CACNA2D1: variants seen among roughly 807,000 people sequenced by gnomAD.
CACNA2D1 encodes the protein voltage-dependent calcium channel subunit alpha-2/delta-1.
Under a neutral mutation model 171.5 loss-of-function variants are expected in CACNA2D1, and 53 were observed. That is an observed-to-expected ratio of 0.31 (90% CI 0.25 to 0.39). The LOEUF is 0.39. CACNA2D1 is among the 10% of genes least tolerant of loss of function. The pLI is 1.00. For missense variants in CACNA2D1, 903 were observed against 1,299.8 expected (o/e 0.69, Z 4.69); for synonymous variants, 442 against 443.1 (o/e 1.00, Z 0.03).
intron 3 of CACNA2D1, among the ~76,000 whole-genome samples, chr7:82,277,012 C>T (rs1809434197): frequency 6.6e-6 from 1 of 151,868 alleles, no homozygotes; most frequent in South Asian, 2.1e-4. Flanking sequence ...TCCCAAAGTG[C>T]TGGGAATACA....
At chr7:82,040,452 C>CA (rs34257660) in intron 10 of CACNA2D1, among the ~76,000 whole-genome samples, 1,360 of 106,452 alleles carry the variant, frequency 0.013, 24 homozygotes, top group East Asian at 0.05. Flanking sequence ...ATAATTTATT[C>CA]AAAAAAAAAA....
chr7:82,440,056 A>T (rs1379693164), intron 1 of CACNA2D1, among the ~76,000 whole-genome samples: 1 of 151,890 alleles, frequency 6.6e-6, no homozygotes, highest in African/African-American at 2.4e-5. Flanking sequence ...GGAAAAAAAA[A>T]TATCCTAAGT....
chr7:82,207,161 T>A (rs557979717), intron 3 of CACNA2D1, among the ~76,000 whole-genome samples: 2 of 152,210 alleles, frequency 1.3e-5, no homozygotes, highest in South Asian at 4.1e-4. Flanking sequence ...CCTCACATAT[T>A]TTCAAAAACT....
intron 4 of CACNA2D1, among the ~76,000 whole-genome samples, chr7:82,138,428 TTTGTTTTTTTTGTTTTTTTTG>T (rs1159880052): frequency 1.3e-5 from 1 of 76,830 alleles, no homozygotes; most frequent in Non-Finnish European, 2.4e-5. Context: ...TAGCATTAGT[TTTGTTTTTTTTGTTTTTTTTG>T]TTTTTTTTTT....
chr7:82,115,116 G>A (rs2887115), intron 6 of CACNA2D1, among the ~76,000 whole-genome samples: 78,265 of 151,964 alleles, frequency 0.52, 20,591 homozygotes, highest in African/African-American at 0.63. Context: ...GCAGTGCCAT[G>A]ATGTACAGAG....
At chr7:82,353,734 C>T (rs950456410) in intron 1 of CACNA2D1, among the ~76,000 whole-genome samples, 2 of 151,908 alleles carry the variant, frequency 1.3e-5, no homozygotes, top group Admixed American at 6.6e-5. Flanking sequence ...ATTTATCCAC[C>T]TTATCTTTGA....
intron 12 of CACNA2D1, among the ~76,000 whole-genome samples, chr7:82,026,208 T>C (rs753103803): frequency 5.1e-4 from 78 of 151,764 alleles, no homozygotes; most frequent in Non-Finnish European, 9.3e-4. Flanking sequence ...AGGCAGCATA[T>C]AGTGTGGTTT....
chr7:82,205,355 A>C (rs1799909283), intron 3 of CACNA2D1, among the ~76,000 whole-genome samples: 1 of 151,306 alleles, frequency 6.6e-6, no homozygotes, highest in African/African-American at 2.4e-5. Context: ...GCTTGGGGGG[A>C]ATCTTTTGCT....
At chr7:82,294,354 T>C (rs1011913422) in intron 3 of CACNA2D1, among the ~76,000 whole-genome samples, 4 of 152,120 alleles carry the variant, frequency 2.6e-5, no homozygotes, top group Non-Finnish European at 4.4e-5. Context: ...TTTAACTTGA[T>C]ATTAGGCTCC....
chr7:82,411,895 TCACACACA>T (rs5885295), intron 1 of CACNA2D1, among the ~76,000 whole-genome samples: 5 of 144,884 alleles, frequency 3.5e-5, no homozygotes, highest in South Asian at 4.5e-4. Flanking sequence ...AAACTAAATC[TCACACACA>T]CACACACACA....
chr7:82,358,554 G>C (rs2190235), intron 1 of CACNA2D1, among the ~76,000 whole-genome samples: 1 of 152,064 alleles, frequency 6.6e-6, no homozygotes, highest in Non-Finnish European at 1.5e-5. Flanking sequence ...CTGTAAGAAA[G>C]GCAGAAAAGG....
Position 82,443,625 on chromosome 7 carries a change from G to T in CACNA2D1, c.-166C>A. 1 of 1,318,698 alleles carries T rather than the reference G, an allele frequency of 7.6e-7. No homozygotes were observed. Among genetic ancestry groups the T allele is most frequent in the South Asian group, 2.3e-5 (1 of 43,312 alleles). 81.7% of individuals were successfully genotyped at this position (1,318,698 alleles called of 1,614,324 possible). A position where few individuals can be genotyped will look rare whatever the true frequency, so the allele number is the denominator to read the frequency against. On this transcript the variant is annotated 5_prime_UTR_variant, in exon 1 of 39. Coordinates refer to ENST00000356860, the MANE Select transcript of CACNA2D1 (RefSeq NM_000722.4). ...GCGGAGCCGCGCGGGGGACGGCAAGGGCGGGAGCGGACGCCGAGGAAGGGG... is the reference window on the plus strand; with the variant it reads ...GCGGAGCCGCGCGGGGGACGGCAAGTGCGGGAGCGGACGCCGAGGAAGGGG...
At chr7:82,229,780 T>C (rs1802723644) in intron 3 of CACNA2D1, among the ~76,000 whole-genome samples, 1 of 152,076 alleles carries the variant, frequency 6.6e-6, no homozygotes, top group South Asian at 2.1e-4. Flanking sequence ...TCCTCCCTTC[T>C]TGCCCTCCCA....
At chr7:81,962,902 A>C (rs908837925) in intron 34 of CACNA2D1, among the ~76,000 whole-genome samples, 18 of 152,082 alleles carry the variant, frequency 1.2e-4, no homozygotes, top group African/African-American at 4.1e-4. Context: ...TGCTGTTTAT[A>C]CCATGGGTTT....
At chr7:82,104,312 A>T (rs959573748) in intron 6 of CACNA2D1, among the ~76,000 whole-genome samples, 1 of 152,078 alleles carries the variant, frequency 6.6e-6, no homozygotes, top group Non-Finnish European at 1.5e-5. Flanking sequence ...CAGACTAAAC[A>T]AAATGATTTA....
intron 10 of CACNA2D1, among the ~76,000 whole-genome samples, chr7:82,059,571 C>T (rs1458477076): frequency 1.3e-5 from 2 of 152,058 alleles, no homozygotes; most frequent in Non-Finnish European, 2.9e-5. Flanking sequence ...GCTCATATTA[C>T]TTATTTAAGC....
chr7:82,143,051 C>T (rs966114330), intron 4 of CACNA2D1, among the ~76,000 whole-genome samples: 2 of 151,956 alleles, frequency 1.3e-5, no homozygotes, highest in African/African-American at 4.8e-5. Context: ...CTGTGGGTGT[C>T]AGTGGTGAGG....
intron 18 of CACNA2D1, among the ~76,000 whole-genome samples, chr7:81,998,360 A>G (rs1798259303): frequency 1.3e-5 from 2 of 152,120 alleles, no homozygotes; most frequent in Admixed American, 6.5e-5. Context: ...TAATAATATA[A>G]GCCTCACAGA....
At chr7:82,111,445 T>TATAGA (rs370516065) in intron 6 of CACNA2D1, among the ~76,000 whole-genome samples, 1 of 49,108 alleles carries the variant, frequency 2.0e-5, no homozygotes, top group Non-Finnish European at 4.1e-5. Context: ...TATATATATA[T>TATAGA]TTTTTTTTTT....
Sources: allele counts gnomAD v4.1 joint callset (sites outside exome capture counted in the v4.1 genomes callset), GRCh38; gene constraint gnomAD v4.1.1; transcripts MANE v1.5; gene names NCBI Gene and HGNC (gene_info 2026-07-23, HGNC 2026-07-21).